CBL: variants seen among roughly 807,000 people sequenced by gnomAD.
The protein encoded by CBL is Cbl proto-oncogene.
Under a neutral mutation model 96.9 loss-of-function variants are expected in CBL, and 45 were observed. The ratio of observed to expected loss-of-function variants is 0.46; its 90% confidence interval spans 0.37 to 0.60. The LOEUF is 0.60. CBL is among the 20% of genes least tolerant of loss of function. The probability of loss-of-function intolerance (pLI) is 0.00; values close to 1 mark genes in which losing one functional copy is unlikely to be tolerated. For synonymous variants in CBL, 420 were observed against 426.8 expected (o/e 0.98, Z 0.20); for missense variants, 1,024 against 1,143.5 (o/e 0.90, Z 1.51).
Position 119,303,760 on chromosome 11 carries a change from A to G in CBL, c.*3979A>G. 4.3e-6 allele frequency: 1 copy of G among 233,718 alleles called. No individual in the cohort carries two copies. Among genetic ancestry groups the G allele is most frequent in the East Asian group, 6.0e-5 (1 of 16,592 alleles). 14.5% of individuals were successfully genotyped at this position (233,718 alleles called of 1,614,324 possible). A position where few individuals can be genotyped will look rare whatever the true frequency, so the allele number is the denominator to read the frequency against. On this transcript the variant is annotated 3_prime_UTR_variant, in exon 16 of 16. Coordinates refer to ENST00000264033, the MANE Select transcript of CBL (RefSeq NM_005188.4). Reference sequence around the variant, plus strand: ...TGAGTTGAAAGGTAAGTTGGCTCAGAGTTGCACAGTAGGGCATTAAATGTT... The same window carrying G: ...TGAGTTGAAAGGTAAGTTGGCTCAGGGTTGCACAGTAGGGCATTAAATGTT...
chr11:119,282,924 C>T (rs967991545), intron 9 of CBL, among the ~76,000 whole-genome samples: 4 of 151,924 alleles, frequency 2.6e-5, no homozygotes, highest in African/African-American at 9.7e-5. Flanking sequence ...TCTACCCGTG[C>T]CTTCCCCGCG....
At chr11:119,219,049 T>G (rs1235703559) in intron 1 of CBL, among the ~76,000 whole-genome samples, 1 of 152,030 alleles carries the variant, frequency 6.6e-6, no homozygotes, top group Non-Finnish European at 1.5e-5. Context: ...AAACCCTTCT[T>G]TATTTTAAAA....
chr11:119,284,157 C>T (rs970114080), intron 9 of CBL, among the ~76,000 whole-genome samples: 1 of 151,774 alleles, frequency 6.6e-6, no homozygotes, highest in African/African-American at 2.4e-5. Context: ...GCCACTGTAC[C>T]GACTCTCATC....
At chr11:119,207,185 G>T (rs112100879) in intron 1 of CBL, among the ~76,000 whole-genome samples, 179 of 152,258 alleles carry the variant, frequency 1.2e-3, no homozygotes, top group Middle Eastern at 6.8e-3. Context: ...AAGACATATT[G>T]ATGTTTAAGT....
intron 1 of CBL, among the ~76,000 whole-genome samples, chr11:119,229,550 G>A (rs1949485343): frequency 1.3e-5 from 2 of 152,072 alleles, no homozygotes; most frequent in Admixed American, 6.6e-5. Flanking sequence ...AGGAGTTCGA[G>A]GTTGTGGTGA....
At chr11:119,269,583 C>A (rs1002575648) in intron 2 of CBL, among the ~76,000 whole-genome samples, 1 of 151,930 alleles carries the variant, frequency 6.6e-6, no homozygotes. Flanking sequence ...ATTTTATCCA[C>A]GAAAGACAAA....
chr11:119,213,399 A>G (rs532248271), intron 1 of CBL, among the ~76,000 whole-genome samples: 15 of 152,290 alleles, frequency 9.8e-5, no homozygotes, highest in South Asian at 4.1e-4. Context: ...AAGTGATGTG[A>G]CTATAGGAGA....
At chr11:119,265,552 A>G (rs1374007658) in intron 2 of CBL, among the ~76,000 whole-genome samples, 2 of 152,172 alleles carry the variant, frequency 1.3e-5, no homozygotes, top group African/African-American at 2.4e-5. Context: ...GGAGTTGGAG[A>G]CCAGCCTGGG....
intron 1 of CBL, among the ~76,000 whole-genome samples, chr11:119,232,174 A>C (rs1209502895): frequency 1.3e-5 from 2 of 152,142 alleles, no homozygotes; most frequent in African/African-American, 2.4e-5. Context: ...TGTTTTAGGG[A>C]TTTATGTGGA....
chr11:119,228,826 TG>T (rs1592375842), intron 1 of CBL, among the ~76,000 whole-genome samples: 1 of 150,328 alleles, frequency 6.7e-6, no homozygotes. Context: ...TTTTTTTTTT[TG>T]GAGACGTGGT....
intron 2 of CBL, among the ~76,000 whole-genome samples, chr11:119,253,092 C>A (rs573741582): frequency 6.6e-6 from 1 of 152,122 alleles, no homozygotes; most frequent in African/African-American, 2.4e-5. Context: ...ATGCACATAT[C>A]ATGGAGCTGG....
rs151016615 is a variant in CBL at position 119,280,726 on chromosome 11, G to A, written c.1431+2013G>A. Among the ~76,000 whole-genome samples the A allele has an allele frequency of 3.3e-3, 505 of 152,174 alleles. 2 individuals carry two copies. Among genetic ancestry groups the A allele is most frequent in the African/African-American group, 0.01 (433 of 41,518 alleles). On this transcript the variant is annotated intron_variant, in intron 9 of 15. Transcript: ENST00000264033. ...ATTCTTGAAACTGTTTACTACCTCTGTGTTTCTTAACCATGTGCTTATACT... is the reference window on the plus strand; with the variant it reads ...ATTCTTGAAACTGTTTACTACCTCTATGTTTCTTAACCATGTGCTTATACT...
intron 4 of CBL, 57 bp from the exon 5 acceptor site, chr11:119,274,775 C>G (rs1592398950): frequency 6.3e-7 from 1 of 1,575,782 alleles, no homozygotes; most frequent in East Asian, 2.2e-5. Flanking sequence ...TCTCATTGCC[C>G]TCTGAGTTGG....
rs532837579 is a variant in CBL, at chr11:119,244,581, A to ATTTTTTTT, written c.443+11897_443+11904dup. On this transcript the variant is annotated intron_variant, in intron 2 of 15. Transcript: ENST00000264033. ...AGGTGCATGCTACCATGCCCGGCTA[A>ATTTTTTTT]TTTTTTTTTTTTTTTTTTGAGACGG... Among the ~76,000 whole-genome samples the ATTTTTTTT allele has an allele frequency of 1.1e-4, 12 of 104,400 alleles. 1 individual carries two copies. Among genetic ancestry groups the ATTTTTTTT allele is most frequent in the South Asian group, 9.0e-4 (2 of 2,234 alleles). The allele number at this position is 104,400 out of a possible 152,430, so 68.5% of individuals were successfully genotyped here.
At chr11:119,278,735 C>T (rs758668998) in intron 9 of CBL, 22 bp downstream of exon 9, 2 of 1,590,638 alleles carry the variant, frequency 1.3e-6, no homozygotes, top group Non-Finnish European at 1.7e-6. Flanking sequence ...GTTTAGGAGA[C>T]TGGCAAAATC....
At chr11:119,255,533 A>G (rs1949704980) in intron 2 of CBL, among the ~76,000 whole-genome samples, 1 of 152,044 alleles carries the variant, frequency 6.6e-6, no homozygotes, top group Non-Finnish European at 1.5e-5. Context: ...TTATATATTT[A>G]TAATTATATA....
In CBL at chr11:119,219,849, AT is replaced by A. The variant is rs550380245; in HGVS notation, c.196-12581del. Among the ~76,000 whole-genome samples, 197 of 117,816 alleles carry A rather than the reference AT, an allele frequency of 1.7e-3. 1 individual carries two copies. Among genetic ancestry groups the A allele is most frequent in the South Asian group, 4.2e-3 (15 of 3,562 alleles). 77.3% of individuals were successfully genotyped at this position (117,816 alleles called of 152,430 possible). ...TAGGTGGGCACCACCACGCCCGACT[AT>A]TTTTTTTTTTTTTTTTTGAGACGGA... is the stretch of plus-strand genomic sequence containing the variant. On this transcript the variant is annotated intron_variant, in intron 1 of 15. Transcript: ENST00000264033.
At chr11:119,252,905 A>T (rs1473460718) in intron 2 of CBL, among the ~76,000 whole-genome samples, 1 of 148,928 alleles carries the variant, frequency 6.7e-6, no homozygotes, top group Non-Finnish European at 1.5e-5. Flanking sequence ...AAAAAAGATT[A>T]AAAAAAAATA....
At chr11:119,286,253 C>G (rs1949983767) in intron 11 of CBL, among the ~76,000 whole-genome samples, 1 of 151,928 alleles carries the variant, frequency 6.6e-6, no homozygotes, top group Admixed American at 6.6e-5. Flanking sequence ...GAGCTGAGAT[C>G]AGGTGATTGC....
Sources: allele counts gnomAD v4.1 joint callset (sites outside exome capture counted in the v4.1 genomes callset), GRCh38; gene constraint gnomAD v4.1.1; transcripts MANE v1.5; gene names NCBI Gene and HGNC (gene_info 2026-07-23, HGNC 2026-07-21).